GABBR2: variants seen among roughly 807,000 people sequenced by gnomAD.
GABBR2 encodes gamma-aminobutyric acid type B receptor subunit 2, also known as G-protein coupled receptor 51.
GABBR2 carries 23 observed loss-of-function variants against 105.6 expected under a neutral mutation model. The observed-to-expected ratio is 0.22, with a 90% confidence interval of 0.16 to 0.31. The LOEUF (loss-of-function observed/expected upper bound fraction) is 0.31. Among genes scored for constraint, GABBR2 ranks in the 10% least tolerant of loss-of-function variants. GABBR2 has a pLI of 1.00. For missense variants in GABBR2, 734 were observed against 1,245.5 expected (o/e 0.59, Z 6.18); for synonymous variants, 478 against 499.7 (o/e 0.96, Z 0.58).
At position 98,662,636 on chromosome 9, in the gene GABBR2, AG is replaced by A. The variant is rs1182539970; in HGVS notation, c.321+45780del. Among the ~76,000 whole-genome samples the A allele has an allele frequency of 3.3e-5, 5 of 152,322 alleles. No homozygotes were observed. The East Asian group carries it at 9.6e-4, about 29-fold the overall frequency. On this transcript the variant is annotated intron_variant, in intron 1 of 18. Transcript: ENST00000259455. ...GAAATCAGGGCTCTAATTGGAGAAC[AG>A]GGCCTGAGACTTGGAATGGAGACAC...
chr9:98,621,979 C>T (rs754646991), intron 1 of GABBR2, among the ~76,000 whole-genome samples: 53 of 150,930 alleles, frequency 3.5e-4, no homozygotes, highest in Non-Finnish European at 6.5e-4. Flanking sequence ...ATTTTAAGAC[C>T]GAAAAAAAAA....
At chr9:98,632,032 C>T (rs958699972) in intron 1 of GABBR2, among the ~76,000 whole-genome samples, 12 of 152,294 alleles carry the variant, frequency 7.9e-5, no homozygotes, top group Admixed American at 5.2e-4. Context: ...TTGTAGGAAG[C>T]GAAATGACTG....
intron 7 of GABBR2, among the ~76,000 whole-genome samples, chr9:98,416,009 C>G (rs1350827211): frequency 6.6e-6 from 1 of 151,986 alleles, no homozygotes; most frequent in Non-Finnish European, 1.5e-5. Context: ...GATAGGTAGT[C>G]AGGGATGTGT....
chr9:98,494,145 G>C (rs1277557938), intron 4 of GABBR2, among the ~76,000 whole-genome samples: 1 of 152,208 alleles, frequency 6.6e-6, no homozygotes, highest in Non-Finnish European at 1.5e-5. Context: ...CAGCAGCCAA[G>C]AGAAAGGCAA....
chr9:98,708,768 C>T lies in GABBR2; in HGVS notation c.-31G>A. On this transcript the variant is annotated 5_prime_UTR_variant, in exon 1 of 19. In the 5' UTR this introduces an upstream ATG that the reference lacks. Coordinates refer to ENST00000259455, the MANE Select transcript of GABBR2 (RefSeq NM_005458.8). ...GCCGCGGGCTGCGGGCGCCGGCTCA[C>T]TCGGCCCGCATGGCCTGGCCCGGCC... 1.0e-6 allele frequency: 1 copy of T among 979,298 alleles called. No homozygotes were observed. Among genetic ancestry groups the T allele is most frequent in the Non-Finnish European group, 1.2e-6 (1 of 826,726 alleles). The allele number at this position is 979,298 out of a possible 1,614,324, so 60.7% of individuals were successfully genotyped here.
intron 1 of GABBR2, among the ~76,000 whole-genome samples, chr9:98,692,703 C>A (rs1830698621): frequency 6.6e-6 from 1 of 152,218 alleles, no homozygotes; most frequent in African/African-American, 2.4e-5. Flanking sequence ...CCCAGCTCAC[C>A]ATGCAGATCC....
At chr9:98,641,692 T>G (rs1227385282) in intron 1 of GABBR2, among the ~76,000 whole-genome samples, 3 of 152,206 alleles carry the variant, frequency 2.0e-5, no homozygotes, top group African/African-American at 7.2e-5. Flanking sequence ...CATTCTGCCT[T>G]AATTTTAGGT....
At chr9:98,586,253 G>T (rs1829073785) in intron 1 of GABBR2, among the ~76,000 whole-genome samples, 1 of 148,442 alleles carries the variant, frequency 6.7e-6, no homozygotes, top group South Asian at 2.2e-4. Context: ...CCTGAATTTT[G>T]CATTTATCCT....
At chr9:98,329,093 G>A (rs190498592) in intron 13 of GABBR2, among the ~76,000 whole-genome samples, 40 of 152,264 alleles carry the variant, frequency 2.6e-4, no homozygotes, top group Admixed American at 3.3e-4. Flanking sequence ...GAAACCCCAC[G>A]TGGCAACCCA....
intron 13 of GABBR2, among the ~76,000 whole-genome samples, chr9:98,324,757 G>A (rs112634909): frequency 5.3e-5 from 8 of 152,260 alleles, no homozygotes; most frequent in African/African-American, 1.9e-4. Flanking sequence ...GCTCTGCAGT[G>A]GGGCTCATTT....
intron 6 of GABBR2, among the ~76,000 whole-genome samples, chr9:98,468,917 G>A (rs1826611525): frequency 6.6e-6 from 1 of 152,168 alleles, no homozygotes; most frequent in Non-Finnish European, 1.5e-5. Context: ...CATGGCAGAG[G>A]GGAAGGGGCG....
chr9:98,290,341 G>T lies in GABBR2; in HGVS notation c.*243C>A. 5.4e-6 allele frequency: 1 copy of T among 184,322 alleles called. No individual in the cohort carries two copies. The highest frequency in any genetic ancestry group is 1.2e-4 in the East Asian group (1 of 8,032). The allele number at this position is 184,322 out of a possible 1,614,324, so 11.4% of individuals were successfully genotyped here. A position where few individuals can be genotyped will look rare whatever the true frequency, so the allele number is the denominator to read the frequency against. ...CTCCTTGTTTGCAGATGTTAAGGAA[G>T]ACGTCCCATTTCCGTTCCTCTTCTT... On this transcript the variant is annotated 3_prime_UTR_variant, in exon 19 of 19. Transcript: ENST00000259455.
intron 1 of GABBR2, among the ~76,000 whole-genome samples, chr9:98,611,477 T>TGAAC (rs1404392277): frequency 1.3e-5 from 2 of 152,032 alleles, no homozygotes; most frequent in African/African-American, 4.8e-5. Flanking sequence ...AATGAATGAA[T>TGAAC]GAATGAATGA....
At chr9:98,396,419 C>T (rs1055654582) in intron 8 of GABBR2, among the ~76,000 whole-genome samples, 2 of 152,212 alleles carry the variant, frequency 1.3e-5, no homozygotes, top group Admixed American at 6.5e-5. Context: ...GAAAACAGAA[C>T]AGGGAATCCC....
At chr9:98,378,638 C>A (rs1831919507) in intron 11 of GABBR2, among the ~76,000 whole-genome samples, 1 of 152,260 alleles carries the variant, frequency 6.6e-6, no homozygotes, top group Admixed American at 6.5e-5. Flanking sequence ...CCTTCTAGAC[C>A]CGCTGCATTC....
chr9:98,630,493 C>T (rs970725159), intron 1 of GABBR2, among the ~76,000 whole-genome samples: 11 of 152,180 alleles, frequency 7.2e-5, no homozygotes, highest in African/African-American at 2.7e-4. Context: ...ACTACAGGAG[C>T]TTGAGCAGTG....
intron 13 of GABBR2, among the ~76,000 whole-genome samples, chr9:98,319,941 C>CA (rs1182030720): frequency 6.6e-6 from 1 of 152,006 alleles, no homozygotes; most frequent in Non-Finnish European, 1.5e-5. Context: ...TCTAAAACAC[C>CA]AAAAGCAATG....
At chr9:98,635,838 T>C (rs953747141) in intron 1 of GABBR2, among the ~76,000 whole-genome samples, 2 of 152,182 alleles carry the variant, frequency 1.3e-5, no homozygotes, top group African/African-American at 4.8e-5. Flanking sequence ...TTAGCTGTGT[T>C]TTCCCATGAG....
chr9:98,293,374 T>C (rs527765445), intron 18 of GABBR2, among the ~76,000 whole-genome samples: 28 of 152,320 alleles, frequency 1.8e-4, no homozygotes, highest in African/African-American at 5.8e-4. Context: ...GGAAGCTCTA[T>C]GAAGATAGGA....
Sources: gnomAD v4.1 joint callset for allele counts (sites outside exome capture counted in the v4.1 genomes callset) on GRCh38, gnomAD v4.1.1 for gene constraint, MANE v1.5 for transcripts, NCBI Gene and HGNC (gene_info 2026-07-23, HGNC 2026-07-21) for gene names.